RYR2: variants seen among roughly 807,000 people sequenced by gnomAD.
The protein encoded by RYR2 is ryanodine receptor 2, also known as cardiac muscle ryanodine receptor-calcium release channel.
In RYR2, 227 loss-of-function variants were observed where a neutral mutation model predicts 601.1. The ratio of observed to expected loss-of-function variants is 0.38; its 90% CI spans 0.34 to 0.42. RYR2 has a LOEUF of 0.42. Ranked by LOEUF, RYR2 falls within the 10% of genes least tolerant of loss-of-function variation. The probability of loss-of-function intolerance (pLI) is 1.00; values close to 1 mark genes in which losing one functional copy is unlikely to be tolerated. For missense variants in RYR2, 4,646 were observed against 6,156.5 expected (o/e 0.75, Z 8.21); for synonymous variants, 2,223 against 2,175.1 (o/e 1.02, Z -0.61).
intron 2 of RYR2, among the ~76,000 whole-genome samples, chr1:237,288,151 C>G (rs541823667): frequency 6.6e-6 from 1 of 152,256 alleles, no homozygotes; most frequent in African/African-American, 2.4e-5. Context: ...GCACAGAGTC[C>G]CATGATGTGA....
Position 237,784,704 on chromosome 1 carries a change from T to A in RYR2, c.12992T>A (p.Leu4331Ter). Residue 4331 changes from leucine (L) to a stop codon, truncating the protein, a stop_gained, in exon 90 of 105, where the codon TTA becomes TAA. Transcript: ENST00000366574. LOFTEE classifies it high-confidence loss of function. The surrounding 1 kb of genome is among the most constrained non-coding windows in gnomAD (Gnocchi z 7.1). ...GAKKIKVAEL[L>*]ANMPDPTQDE... The stretch of plus-strand genomic sequence containing the variant: ...AAAAAGATCAAAGTTGCAGAACTGT[T>A]AGCCAACATGCCAGACCCCACTCAG... The A allele has an allele frequency of 1.2e-6, 2 of 1,608,882 alleles. No homozygotes were observed. Among genetic ancestry groups the A allele is most frequent in the Non-Finnish European group, 1.7e-6 (2 of 1,176,696 alleles).
chr1:237,107,118 A>C (rs551682530), intron 1 of RYR2, among the ~76,000 whole-genome samples: 15 of 152,344 alleles, frequency 9.8e-5, no homozygotes, highest in Non-Finnish European at 2.1e-4. Context: ...TCTTATAAGC[A>C]TTATTATGTT....
chr1:237,096,411 G>A (rs1440102166), intron 1 of RYR2, among the ~76,000 whole-genome samples: 3 of 152,074 alleles, frequency 2.0e-5, no homozygotes, highest in Non-Finnish European at 2.9e-5. Context: ...TACACTTCTC[G>A]TTAATTGTTC....
intron 1 of RYR2, among the ~76,000 whole-genome samples, chr1:237,104,631 C>G (rs566448787): frequency 6.6e-6 from 1 of 152,328 alleles, no homozygotes; most frequent in Non-Finnish European, 1.5e-5. Flanking sequence ...TTTCTGATAG[C>G]CTTTGTGACT....
At chr1:237,828,266 T>C in intron 101 of RYR2, 115 bp from the exon 102 acceptor site, 1 of 661,076 alleles carries the variant, frequency 1.5e-6, no homozygotes, top group Non-Finnish European at 2.7e-6. Context: ...GTTTACCATG[T>C]TCTGAGCATT....
At chr1:237,447,429 CT>C (rs1267917710) in intron 14 of RYR2, among the ~76,000 whole-genome samples, 1 of 152,068 alleles carries the variant, frequency 6.6e-6, no homozygotes, top group African/African-American at 2.4e-5. Flanking sequence ...AATTTGGATT[CT>C]GTGATAAAAA....
In RYR2 at chr1:237,492,020, A is replaced by G. The variant is rs534344565; in HGVS notation, c.1827+96A>G. 4.5e-6 allele frequency: 3 copies of G among 669,212 alleles called. No homozygotes were observed. In the Admixed American group the frequency reaches 9.0e-5, roughly 20 times the overall value. 41.5% of individuals were successfully genotyped at this position (669,212 alleles called of 1,614,324 possible). ...TTTTAAAAAGTGTGTCAAATTTTTC[A>G]TGAGTGTTTTTAATCTCTTAATTAT... is the stretch of plus-strand genomic sequence containing the variant. On this transcript the variant is annotated intron_variant, in intron 18 of 104. Coordinates refer to ENST00000366574, the MANE Select transcript of RYR2 (RefSeq NM_001035.3).
chr1:237,291,323 C>A (rs1359851451), intron 2 of RYR2, among the ~76,000 whole-genome samples: 1 of 152,060 alleles, frequency 6.6e-6, no homozygotes, highest in Non-Finnish European at 1.5e-5. Flanking sequence ...CAGGAACTCT[C>A]ATTCATTCTT....
chr1:237,191,549 G>A (rs1454715456), intron 1 of RYR2, among the ~76,000 whole-genome samples: 1 of 152,106 alleles, frequency 6.6e-6, no homozygotes, highest in Non-Finnish European at 1.5e-5. Flanking sequence ...TGAGCTGTTG[G>A]ATAGAAAACA....
chr1:237,720,361 A>G (rs1173540938), intron 73 of RYR2, among the ~76,000 whole-genome samples: 1 of 152,224 alleles, frequency 6.6e-6, no homozygotes, highest in Non-Finnish European at 1.5e-5. Flanking sequence ...AAAGAATAAG[A>G]TAAAGGTGAG....
chr1:237,355,975 T>A lies in RYR2; in HGVS notation c.284T>A (p.Val95Glu), dbSNP rs900519025. 8 of 1,606,520 alleles carry A rather than the reference T, an allele frequency of 5.0e-6. No individual in the cohort carries two copies. Among genetic ancestry groups the A allele is most frequent in the African/African-American group, 1.3e-5 (1 of 74,828 alleles). ...TVEKSEGQVD[V>E]EKWKFMMKTA... ...TTTTTCTTTCCACAGCAAGTTGATGTGGAAAAATGGGTATGTGTTTCCATG... is the reference window on the plus strand; with the variant it reads ...TTTTTCTTTCCACAGCAAGTTGATGAGGAAAAATGGGTATGTGTTTCCATG... The change falls in exon 4 of 105, where the codon GTG becomes GAG. Residue 95 changes from valine to glutamate, a missense_variant. Around this residue, in one of 17 missense-constraint regions of RYR2, gnomAD observed 153 missense variants for 203.6 expected, o/e 0.75. Transcript: ENST00000366574.
At chr1:237,551,023 T>G (rs61832578) in intron 27 of RYR2, among the ~76,000 whole-genome samples, 43,040 of 152,006 alleles carry the variant, frequency 0.28, 6,249 homozygotes, top group South Asian at 0.38. Flanking sequence ...TTTGCTGATT[T>G]GGGGAATAAG....
chr1:237,686,584 C>T (rs1686414321), intron 62 of RYR2, among the ~76,000 whole-genome samples: 1 of 152,114 alleles, frequency 6.6e-6, no homozygotes, highest in Non-Finnish European at 1.5e-5. Context: ...AAATAGGGAC[C>T]TGTGAGGATC....
intron 29 of RYR2, among the ~76,000 whole-genome samples, chr1:237,571,072 G>A (rs1672634286): frequency 6.6e-6 from 1 of 152,144 alleles, no homozygotes; most frequent in African/African-American, 2.4e-5. Flanking sequence ...AGACTGCAGT[G>A]AGCTGTGATT....
At chr1:237,812,531 G>A (rs928627219) in intron 100 of RYR2, among the ~76,000 whole-genome samples, 1 of 152,100 alleles carries the variant, frequency 6.6e-6, no homozygotes, top group Non-Finnish European at 1.5e-5. Context: ...CTCAAATATT[G>A]CAATTGAGAA....
chr1:237,164,036 A>G (rs1299074666), intron 1 of RYR2, among the ~76,000 whole-genome samples: 1 of 152,234 alleles, frequency 6.6e-6, no homozygotes, highest in African/African-American at 2.4e-5. Context: ...CTGTAATCCC[A>G]GCACTTTGGG....
chr1:237,741,249 T>G (rs1691580376), intron 79 of RYR2, among the ~76,000 whole-genome samples: 1 of 152,180 alleles, frequency 6.6e-6, no homozygotes, highest in Non-Finnish European at 1.5e-5. Flanking sequence ...ATGACAAACC[T>G]TTTAGAATTT....
At chr1:237,114,259 C>T (rs1669820426) in intron 1 of RYR2, among the ~76,000 whole-genome samples, 2 of 152,154 alleles carry the variant, frequency 1.3e-5, no homozygotes, top group South Asian at 4.1e-4. Flanking sequence ...CAGATGCCAC[C>T]AAATCCTTTT....
At chr1:237,293,799 T>C (rs1692480611) in intron 2 of RYR2, among the ~76,000 whole-genome samples, 1 of 152,206 alleles carries the variant, frequency 6.6e-6, no homozygotes, top group Non-Finnish European at 1.5e-5. Context: ...TTCAGCAACC[T>C]AGTTTTAATT....
Sources: allele counts gnomAD v4.1 joint callset (sites outside exome capture counted in the v4.1 genomes callset), GRCh38; gene constraint gnomAD v4.1.1; regional missense constraint gnomAD v4.1.1; non-coding constraint Gnocchi (gnomAD v3.1); transcripts MANE v1.5; gene names NCBI Gene and HGNC (gene_info 2026-07-23, HGNC 2026-07-21).